Variants in LAMA2 observed in about 807,000 individuals in gnomAD.
LAMA2 encodes laminin subunit alpha-2.
In LAMA2, 269 loss-of-function variants were observed where a neutral mutation model predicts 364.8. The observed-to-expected ratio is 0.74, with a 90% CI of 0.67 to 0.82. The LOEUF is 0.82. LAMA2 is among the 40% of genes least tolerant of loss of function. The pLI is 0.00. For synonymous variants in LAMA2, 1,379 were observed against 1,370.6 expected (o/e 1.01, Z -0.14); for missense variants, 3,807 against 3,873.2 (o/e 0.98, Z 0.45).
At chr6:129,386,491 A>G (rs1284311521) in intron 35 of LAMA2, among the ~76,000 whole-genome samples, 2 of 152,122 alleles carry the variant, frequency 1.3e-5, no homozygotes, top group African/African-American at 4.8e-5. Flanking sequence ...ATAGATGCCT[A>G]TGAGAGAAAT....
rs1324974152 is a variant in LAMA2, at chr6:129,516,353, A to ATAAG, written c.*8_*11dup. 1.2e-6 allele frequency: 2 copies of ATAAG among 1,613,670 alleles called. No homozygotes were observed. The highest frequency in any genetic ancestry group is 8.5e-7 in the Non-Finnish European group (1 of 1,179,708). On this transcript the variant is annotated 3_prime_UTR_variant, in exon 65 of 65. Transcript: ENST00000421865. ...TATCATGCCCAGCCAACTAATAAAAATAAGTGTAACCCCAGGAAGAGTCTG... is the reference window on the plus strand; with the variant it reads ...TATCATGCCCAGCCAACTAATAAAAATAAGTAAGTGTAACCCCAGGAAGAGTCTG...
At chr6:129,373,575 TG>T (rs1778208824) in intron 34 of LAMA2, among the ~76,000 whole-genome samples, 2 of 152,210 alleles carry the variant, frequency 1.3e-5, no homozygotes, top group Admixed American at 1.3e-4. Flanking sequence ...GTTTTTTTAC[TG>T]TTTCAGGATC....
chr6:129,047,265 A>G (rs1787583206), intron 1 of LAMA2, among the ~76,000 whole-genome samples: 1 of 152,240 alleles, frequency 6.6e-6, no homozygotes. Context: ...AATGAAATAA[A>G]TAATACTTTA....
chr6:129,487,340 A>G (rs1340007723), intron 56 of LAMA2, among the ~76,000 whole-genome samples: 1 of 152,220 alleles, frequency 6.6e-6, no homozygotes, highest in Non-Finnish European at 1.5e-5. Context: ...TAGGAAAGTC[A>G]TCTGTATTTT....
At position 128,932,203 on chromosome 6, in the gene LAMA2, A is replaced by C. The variant is rs77495781; in HGVS notation, c.112+48846A>C. ...CTATGTCTCCTCTGTTGTGAGGAGAATATTGCCCTGCAGCAATATTCTCAC... is the reference window on the plus strand; with the variant it reads ...CTATGTCTCCTCTGTTGTGAGGAGACTATTGCCCTGCAGCAATATTCTCAC... On this transcript the variant is annotated intron_variant, in intron 1 of 64. Transcript: ENST00000421865. 4.2e-3 allele frequency among the ~76,000 whole-genome samples: 644 copies of C among 152,318 alleles called. 4 individuals carry two copies. The highest frequency in any genetic ancestry group is 0.015 in the African/African-American group (613 of 41,582).
At chr6:129,277,094 G>A in intron 17 of LAMA2, among the ~76,000 whole-genome samples, 1 of 152,024 alleles carries the variant, frequency 6.6e-6, no homozygotes, top group East Asian at 1.9e-4. Flanking sequence ...CCCTATTTGT[G>A]GAAAATGCCC....
intron 1 of LAMA2, among the ~76,000 whole-genome samples, chr6:129,034,748 T>C (rs1286236465): frequency 1.3e-5 from 2 of 152,164 alleles, no homozygotes; most frequent in African/African-American, 2.4e-5. Context: ...TTCTGAGTTA[T>C]TTCACTTAGG....
At position 129,270,767 on chromosome 6, in the gene LAMA2, A is replaced by G. The variant is rs1024374408; in HGVS notation, c.2450+16A>G. 6 of 1,612,486 alleles carry G rather than the reference A, an allele frequency of 3.7e-6. No individual in the cohort carries two copies. Among genetic ancestry groups the G allele is most frequent in the Non-Finnish European group, 4.2e-6 (5 of 1,178,872 alleles). On this transcript the variant is annotated intron_variant, in intron 17 of 64. Coordinates refer to ENST00000421865, the MANE Select transcript of LAMA2 (RefSeq NM_000426.4). ...CATCCAATAAGTAAGTAACAAACTT[A>G]CCCCATGAATAAGCTCAGCATCCAT...
intron 1 of LAMA2, among the ~76,000 whole-genome samples, chr6:128,913,000 A>G (rs1386660870): frequency 1.3e-5 from 2 of 152,216 alleles, no homozygotes; most frequent in African/African-American, 4.8e-5. Flanking sequence ...TTGGGAGAAC[A>G]CAGGATTAAG....
At chr6:129,353,023 T>G in intron 31 of LAMA2, 141 bp from the exon 32 acceptor site, 1 of 608,236 alleles carries the variant, frequency 1.6e-6, no homozygotes, top group East Asian at 2.8e-5. Flanking sequence ...CTGTTTACTA[T>G]CTGACCCTTT....
At chr6:129,498,717 A>ATGAT (rs143015413) in intron 58 of LAMA2, among the ~76,000 whole-genome samples, 1,611 of 152,332 alleles carry the variant, frequency 0.011, 18 homozygotes, top group Non-Finnish European at 0.017. Context: ...AATTTCTATG[A>ATGAT]TGATTCATTG....
intron 8 of LAMA2, chr6:129,158,221 A>G: frequency 6.2e-7 from 1 of 1,613,966 alleles, no homozygotes; most frequent in Non-Finnish European, 8.5e-7. Flanking sequence ...TGAGTCCAGG[A>G]ACCTGTACCT....
intron 12 of LAMA2, among the ~76,000 whole-genome samples, chr6:129,235,502 A>C (rs1784925276): frequency 6.6e-6 from 1 of 152,170 alleles, no homozygotes; most frequent in Non-Finnish European, 1.5e-5. Flanking sequence ...CACCCCTTTG[A>C]GAGTATGAGA....
At chr6:129,110,109 C>CAA (rs3061201) in intron 4 of LAMA2, among the ~76,000 whole-genome samples, 38,851 of 142,612 alleles carry the variant, frequency 0.27, 5,656 homozygotes, top group African/African-American at 0.43. Context: ...CACCTTATTG[C>CAA]AAAAAAAAAA....
At chr6:129,074,810 C>G (rs1773527712) in intron 3 of LAMA2, among the ~76,000 whole-genome samples, 1 of 151,992 alleles carries the variant, frequency 6.6e-6, no homozygotes, top group Non-Finnish European at 1.5e-5. Context: ...TGTGGAAAAT[C>G]TGGTATGCAT....
chr6:129,463,470 C>T (rs1296274727), intron 49 of LAMA2, among the ~76,000 whole-genome samples: 8 of 151,944 alleles, frequency 5.3e-5, no homozygotes, highest in Non-Finnish European at 1.2e-4. Flanking sequence ...TTTAGCCACT[C>T]CCAGTCCACA....
At chr6:128,897,151 T>TGA (rs1354477463) in intron 1 of LAMA2, among the ~76,000 whole-genome samples, 1 of 152,238 alleles carries the variant, frequency 6.6e-6, no homozygotes, top group Admixed American at 6.5e-5. Context: ...TGGCAGCGTG[T>TGA]GACCTCAACC....
chr6:129,349,326 C>T lies in LAMA2; in HGVS notation c.4465C>T (p.Leu1489Phe). The T allele has an allele frequency of 2.5e-6, 4 of 1,613,562 alleles. No individual in the cohort carries two copies. Among genetic ancestry groups the T allele is most frequent in the Non-Finnish European group, 3.4e-6 (4 of 1,179,622 alleles). ...NFSPSCVAEG[L>F]DDYRCTACPR... The stretch of plus-strand genomic sequence containing the variant: ...CAGCCCCTCTTGTGTCGCAGAAGGA[C>T]TTGACGACTACCGCTGCACGGCTTG... The change falls in exon 31 of 65, where the codon CTT becomes TTT. Residue 1489 changes from leucine to phenylalanine, a missense_variant. Around this residue, in one of 3 missense-constraint regions of LAMA2, gnomAD observed 3,333 missense variants for 3,345.7 expected, o/e 1.00. Transcript: ENST00000421865.
chr6:129,064,712 C>T (rs72973182), intron 3 of LAMA2, among the ~76,000 whole-genome samples: 1,895 of 152,148 alleles, frequency 0.012, 18 homozygotes, highest in Non-Finnish European at 0.021. Flanking sequence ...AACACTGAAT[C>T]ATGAAGAAAT....
Sources: allele counts gnomAD v4.1 joint callset (sites outside exome capture counted in the v4.1 genomes callset), GRCh38; gene constraint gnomAD v4.1.1; regional missense constraint gnomAD v4.1.1; transcripts MANE v1.5; gene names NCBI Gene and HGNC (gene_info 2026-07-23, HGNC 2026-07-21).